CHST15: variants seen among roughly 807,000 people sequenced by gnomAD.
The protein encoded by CHST15 is carbohydrate sulfotransferase 15.
Under a neutral mutation model 53.6 loss-of-function variants are expected in CHST15, and 30 were observed. That is an observed-to-expected ratio of 0.56 (90% CI 0.42 to 0.76). The LOEUF (loss-of-function observed/expected upper bound fraction) is 0.76. Ranked by LOEUF, CHST15 falls within the 30% of genes least tolerant of loss-of-function variation. The pLI is 0.00. For missense variants in CHST15, 627 were observed against 740.5 expected, an observed-to-expected ratio of 0.85 and a Z score of 1.78; for synonymous variants, 296 against 289.8, an observed-to-expected ratio of 1.02 and a Z score of -0.22.
intron 5 of CHST15, among the ~76,000 whole-genome samples, chr10:124,029,171 T>C (rs977040016): frequency 2.6e-5 from 4 of 152,212 alleles, no homozygotes; most frequent in Non-Finnish European, 5.9e-5. Context: ...ATATATTTTT[T>C]TCCTACCAGG....
chr10:124,012,312 G>A (rs748741331), intron 7 of CHST15, 21 bp downstream of exon 7: 3 of 1,609,646 alleles, frequency 1.9e-6, no homozygotes, highest in Non-Finnish European at 2.5e-6. Context: ...TGGCCCGTCA[G>A]TCTAAGCACC....
rs556544019 is a variant in CHST15, at chr10:124,042,517, A to G, written c.887-70T>C. 7.1e-6 allele frequency: 11 copies of G among 1,555,216 alleles called. No homozygotes were observed. In the African/African-American group the frequency reaches 1.1e-4, roughly 15 times the overall value. On this transcript the variant is annotated intron_variant, in intron 3 of 7. Coordinates refer to ENST00000435907, the MANE Select transcript of CHST15 (RefSeq NM_001270764.2). ...CTGCTGGAGCGATGGCCTCCCAGACAGCAACCAAAGAGAGATGGAAAGGCC... is the reference window on the plus strand; with the variant it reads ...CTGCTGGAGCGATGGCCTCCCAGACGGCAACCAAAGAGAGATGGAAAGGCC...
In CHST15 at chr10:124,073,170, G is replaced by A. The variant is rs75869591; in HGVS notation, c.-513+20299C>T. ...AAAGACATCAACTAGAATGTTCATT[G>A]TACTATTTGTAGGGCCAAAAACTGG... On this transcript the variant is annotated intron_variant, in intron 1 of 7. Transcript: ENST00000435907. Among the ~76,000 whole-genome samples, 1,052 of 152,272 alleles carry A rather than the reference G, an allele frequency of 6.9e-3. 10 individuals carry two copies. The highest frequency in any genetic ancestry group is 0.025 in the African/African-American group (1,020 of 41,560).
Position 124,014,910 on chromosome 10 carries a change from G to C in CHST15, c.1348-2430C>G, listed in dbSNP as rs74925186. Among the ~76,000 whole-genome samples, 1,384 of 152,318 alleles carry C rather than the reference G, an allele frequency of 9.1e-3. 20 individuals carry two copies. The highest frequency in any genetic ancestry group is 0.031 in the African/African-American group (1,307 of 41,572). ...CAGGTGGACACAGGCCTGCACCGCA[G>C]CATGGTCCTCCTCAGCAGGCAGGGC... On this transcript the variant is annotated intron_variant, in intron 6 of 7. Transcript: ENST00000435907.
chr10:124,048,206 A>T (rs1235566991), intron 1 of CHST15, among the ~76,000 whole-genome samples: 2 of 152,258 alleles, frequency 1.3e-5, no homozygotes, highest in Non-Finnish European at 2.9e-5. Context: ...AAAATGTGGA[A>T]TGGACAAAAT....
chr10:124,037,679 C>T (rs997907403), intron 5 of CHST15, among the ~76,000 whole-genome samples: 1 of 152,222 alleles, frequency 6.6e-6, no homozygotes, highest in Non-Finnish European at 1.5e-5. Context: ...CCCATAGTGG[C>T]TGTTCAATAT....
intron 1 of CHST15, among the ~76,000 whole-genome samples, chr10:124,050,616 C>A (rs1038293348): frequency 2.6e-5 from 4 of 152,202 alleles, no homozygotes; most frequent in Admixed American, 2.6e-4. Flanking sequence ...TGCATAATCA[C>A]CCCTGGGTTG....
At chr10:124,012,861 G>A (rs369586804) in intron 6 of CHST15, among the ~76,000 whole-genome samples, 16 of 152,208 alleles carry the variant, frequency 1.1e-4, no homozygotes, top group Admixed American at 3.9e-4. Flanking sequence ...AGCACACAAC[G>A]GGATGTGAAA....
chr10:124,050,220 T>A (rs558081466), intron 1 of CHST15, among the ~76,000 whole-genome samples: 1 of 152,170 alleles, frequency 6.6e-6, no homozygotes, highest in East Asian at 1.9e-4. Context: ...AGACAAGACC[T>A]CCCCTGACGG....
chr10:124,080,019 ACT>A (rs2134206792), intron 1 of CHST15, among the ~76,000 whole-genome samples: 1 of 152,054 alleles, frequency 6.6e-6, no homozygotes. Flanking sequence ...CATAAAAATA[ACT>A]CTGCCTCCCC....
Position 124,010,053 on chromosome 10 carries a change from C to T in CHST15, c.*96G>A. On this transcript the variant is annotated 3_prime_UTR_variant, in exon 8 of 8. Coordinates refer to ENST00000435907, the MANE Select transcript of CHST15 (RefSeq NM_001270764.2). ...AGAGTGGCAGAGTCCTGGGGTTTTCCATACCATGAGTGAAACAGTTCCCCG... is the reference window on the plus strand; with the variant it reads ...AGAGTGGCAGAGTCCTGGGGTTTTCTATACCATGAGTGAAACAGTTCCCCG... 1 of 1,596,610 alleles carries T rather than the reference C, an allele frequency of 6.3e-7. No homozygotes were observed. The highest frequency in any genetic ancestry group is 8.5e-7 in the Non-Finnish European group (1 of 1,172,258).
In CHST15 at chr10:124,019,027, C is replaced by T. The variant is rs1392647489; in HGVS notation, c.1347+2229G>A. ...GACCCATAATAGCCCTGGCTCTGAG[C>T]TGCTGCTATTACTGTTTATGCCAGG... On this transcript the variant is annotated intron_variant, in intron 6 of 7. Coordinates refer to ENST00000435907, the MANE Select transcript of CHST15 (RefSeq NM_001270764.2). The surrounding 1 kb of genome is among the most constrained non-coding windows in gnomAD (Gnocchi z 4.6). 2.0e-5 allele frequency among the ~76,000 whole-genome samples: 3 copies of T among 152,168 alleles called. No homozygotes were observed. Among genetic ancestry groups the T allele is most frequent in the Admixed American group, 2.0e-4 (3 of 15,282 alleles).
chr10:124,019,662 G>T lies in CHST15; in HGVS notation c.1347+1594C>A. 1.9e-6 allele frequency: 1 copy of T among 534,856 alleles called. No homozygotes were observed. Among genetic ancestry groups the T allele is most frequent in the Non-Finnish European group, 2.4e-6 (1 of 417,938 alleles). The allele number at this position is 534,856 out of a possible 1,614,324, so 33.1% of individuals were successfully genotyped here. A position where few individuals can be genotyped will look rare whatever the true frequency, so the allele number is the denominator to read the frequency against. ...GTTAAACAAGTATGTGTGCTTTCTCGCGTTAGTCTTTTATTATAGGTGCCT... is the reference window on the plus strand; with the variant it reads ...GTTAAACAAGTATGTGTGCTTTCTCTCGTTAGTCTTTTATTATAGGTGCCT... On this transcript the variant is annotated intron_variant, in intron 6 of 7. Transcript: ENST00000435907. The surrounding 1 kb of genome is among the most constrained non-coding windows in gnomAD (Gnocchi z 4.6).
At chr10:124,062,516 C>G (rs1057479755) in intron 1 of CHST15, among the ~76,000 whole-genome samples, 8 of 152,174 alleles carry the variant, frequency 5.3e-5, no homozygotes, top group Non-Finnish European at 1.0e-4. Context: ...AACGGCAGTA[C>G]CGACCCCATG....
At chr10:124,060,799 C>T (rs946606963) in intron 1 of CHST15, among the ~76,000 whole-genome samples, 3 of 152,162 alleles carry the variant, frequency 2.0e-5, no homozygotes, top group Non-Finnish European at 2.9e-5. Context: ...TGCAGAGATC[C>T]AGCTTGCCTT....
At chr10:124,093,264 C>A (rs539948409) in intron 1 of CHST15, among the ~76,000 whole-genome samples, 3 of 151,718 alleles carry the variant, frequency 2.0e-5, no homozygotes, top group African/African-American at 4.8e-5. Flanking sequence ...GCCACCGCCA[C>A]CGCCACCACC....
At chr10:124,040,948 A>G (rs1947709680) in intron 4 of CHST15, among the ~76,000 whole-genome samples, 1 of 152,260 alleles carries the variant, frequency 6.6e-6, no homozygotes, top group South Asian at 2.1e-4. Flanking sequence ...CGGAGAATAC[A>G]TATTTTCATC....
At chr10:124,032,368 T>A (rs927451119) in intron 5 of CHST15, among the ~76,000 whole-genome samples, 1 of 152,212 alleles carries the variant, frequency 6.6e-6, no homozygotes, top group African/African-American at 2.4e-5. Context: ...ACCCCAAACA[T>A]AGACACGGTA....
intron 4 of CHST15, among the ~76,000 whole-genome samples, chr10:124,039,332 G>A (rs901207991): frequency 3.3e-5 from 5 of 152,172 alleles, no homozygotes; most frequent in Non-Finnish European, 4.4e-5. Context: ...TGGTCTAGCA[G>A]ACCAGGAGCC....
Sources: allele counts gnomAD v4.1 joint callset (sites outside exome capture counted in the v4.1 genomes callset), GRCh38; gene constraint gnomAD v4.1.1; non-coding constraint Gnocchi (gnomAD v3.1); transcripts MANE v1.5; gene names NCBI Gene and HGNC (gene_info 2026-07-23, HGNC 2026-07-21).